DAB1: variants seen among roughly 807,000 people sequenced by gnomAD.
DAB1 encodes disabled homolog 1.
In DAB1, 15 loss-of-function variants were observed where a neutral mutation model predicts 64.6. The observed-to-expected ratio is 0.23, with a 90% CI of 0.16 to 0.36. The LOEUF is 0.36. DAB1 is among the 10% of genes least tolerant of loss of function. The probability of loss-of-function intolerance (pLI) is 1.00; values close to 1 mark genes in which losing one functional copy is unlikely to be tolerated. For synonymous variants in DAB1, 235 were observed against 251.9 expected (o/e 0.93, Z 0.64); for missense variants, 596 against 706.7 (o/e 0.84, Z 1.78).
intron 1 of DAB1, among the ~76,000 whole-genome samples, chr1:57,299,602 G>T (rs1267756782): frequency 3.3e-5 from 5 of 152,094 alleles, no homozygotes; most frequent in African/African-American, 4.8e-5. Context: ...AACTCCTAGG[G>T]TATGAGAAAA....
At chr1:57,379,324 A>G (rs987227034) in intron 1 of DAB1, among the ~76,000 whole-genome samples, 2 of 152,216 alleles carry the variant, frequency 1.3e-5, no homozygotes, top group Non-Finnish European at 2.9e-5. Context: ...AGAGTTTAAT[A>G]AACTTAGTTC....
chr1:57,913,007 G>A (rs2102011202), intron 5 of DAB1, among the ~76,000 whole-genome samples: 1 of 152,312 alleles, frequency 6.6e-6, no homozygotes, highest in South Asian at 2.1e-4. Context: ...TCGTGAAAAT[G>A]GCCATACTGT....
chr1:57,660,955 G>A (rs926056180), intron 6 of DAB1, among the ~76,000 whole-genome samples: 2 of 152,100 alleles, frequency 1.3e-5, no homozygotes, highest in African/African-American at 4.8e-5. Context: ...TCTCAAAGCG[G>A]GCTTCCTGGG....
intron 3 of DAB1, among the ~76,000 whole-genome samples, chr1:58,460,221 T>A (rs546382886): frequency 6.6e-6 from 1 of 152,234 alleles, no homozygotes; most frequent in East Asian, 1.9e-4. Context: ...GAGCTCTGGG[T>A]CAGACCCAGA....
intron 6 of DAB1, among the ~76,000 whole-genome samples, chr1:57,680,060 G>T (rs1646618247): frequency 6.6e-6 from 1 of 152,160 alleles, no homozygotes; most frequent in Admixed American, 6.5e-5. Flanking sequence ...ATAGCAATGT[G>T]GTAAATGTAA....
rs1646779093 is a variant in DAB1, at chr1:57,026,123, G to A, written c.724-80C>T. 8.0e-6 allele frequency: 8 copies of A among 1,002,350 alleles called. 1 individual carries two copies. The Admixed American group carries it at 1.8e-4, about 22-fold the overall frequency. 62.1% of individuals were successfully genotyped at this position (1,002,350 alleles called of 1,614,324 possible). A position where few individuals can be genotyped will look rare whatever the true frequency, so the allele number is the denominator to read the frequency against. On this transcript the variant is annotated intron_variant, in intron 9 of 14. Transcript: ENST00000371236. ...CCCTGCTTTACACACAGTATGGTAT[G>A]GGGATACACATTTCTGTTTTTCATC...
At chr1:58,004,306 G>A (rs1646548919) in intron 5 of DAB1, among the ~76,000 whole-genome samples, 2 of 152,156 alleles carry the variant, frequency 1.3e-5, no homozygotes, top group South Asian at 2.1e-4. Flanking sequence ...CTGAGGTCAC[G>A]CAGCTAGTTG....
At chr1:58,221,474 C>T (rs1341499771) in intron 4 of DAB1, among the ~76,000 whole-genome samples, 1 of 152,196 alleles carries the variant, frequency 6.6e-6, no homozygotes, top group Non-Finnish European at 1.5e-5. Context: ...TGCAAGCAAA[C>T]CATGTCAGAT....
At chr1:58,423,039 A>G (rs143968819) in intron 3 of DAB1, among the ~76,000 whole-genome samples, 222 of 152,284 alleles carry the variant, frequency 1.5e-3, no homozygotes, top group African/African-American at 5.0e-3. Context: ...ATGGCCGTTG[A>G]GTTCCAATCC....
chr1:57,786,629 T>C (rs1344546229), intron 6 of DAB1, among the ~76,000 whole-genome samples: 3 of 152,178 alleles, frequency 2.0e-5, no homozygotes, highest in Non-Finnish European at 2.9e-5. Context: ...ATGAGGTAAG[T>C]ACATTATTAT....
chr1:58,392,447 A>T (rs182774272), intron 3 of DAB1, among the ~76,000 whole-genome samples: 1 of 152,022 alleles, frequency 6.6e-6, no homozygotes, highest in East Asian at 1.9e-4. Flanking sequence ...CTGATTCTAC[A>T]CTCTAGACAC....
chr1:58,280,865 T>C (rs994853320), intron 4 of DAB1, among the ~76,000 whole-genome samples: 1 of 152,172 alleles, frequency 6.6e-6, no homozygotes, highest in Non-Finnish European at 1.5e-5. Context: ...CCAAGAAAGA[T>C]ATCTGACAAT....
Position 58,533,304 on chromosome 1 carries a change from C to T in DAB1, n.33-5969G>A, listed in dbSNP as rs777931824. On this transcript the variant is annotated intron_variant and non_coding_transcript_variant, in intron 1 of 20. Coordinates refer to the DAB1 transcript ENST00000485760. The stretch of plus-strand genomic sequence containing the variant: ...ACTGGACTAACATACAGAAGACCCA[C>T]GTTAAAGTCCCAGTTCGGTTACTTT... Among the ~76,000 whole-genome samples the T allele has an allele frequency of 3.2e-4, 49 of 152,174 alleles. 1 individual carries two copies. Among genetic ancestry groups the T allele is most frequent in the Non-Finnish European group, 6.3e-4 (43 of 68,020 alleles).
intron 7 of DAB1, among the ~76,000 whole-genome samples, chr1:57,623,242 G>C (rs898841426): frequency 6.6e-6 from 1 of 152,082 alleles, no homozygotes; most frequent in Admixed American, 6.6e-5. Context: ...ATCTTCCCAC[G>C]GAAGGAGTGG....
At chr1:58,013,097 C>T (rs973193969) in intron 5 of DAB1, among the ~76,000 whole-genome samples, 1 of 152,138 alleles carries the variant, frequency 6.6e-6, no homozygotes, top group Admixed American at 6.5e-5. Flanking sequence ...CAGTGGAACA[C>T]CCCTGACTCT....
At chr1:58,190,848 A>G (rs1205985472) in intron 4 of DAB1, among the ~76,000 whole-genome samples, 1 of 152,262 alleles carries the variant, frequency 6.6e-6, no homozygotes, top group Admixed American at 6.5e-5. Flanking sequence ...CAAGTTGACT[A>G]TTCCAAGGCG....
chr1:57,346,830 C>A (rs1438374131), intron 1 of DAB1, among the ~76,000 whole-genome samples: 1 of 152,154 alleles, frequency 6.6e-6, no homozygotes, highest in East Asian at 1.9e-4. Context: ...TCTCATTACT[C>A]CATACTATCT....
At chr1:57,519,645 A>G (rs1264690400) in intron 7 of DAB1, among the ~76,000 whole-genome samples, 1 of 152,190 alleles carries the variant, frequency 6.6e-6, no homozygotes, top group Non-Finnish European at 1.5e-5. Flanking sequence ...TCACAAAAGA[A>G]TAGATTCCTG....
chr1:57,450,485 A>T (rs1686310135), intron 7 of DAB1, among the ~76,000 whole-genome samples: 1 of 152,230 alleles, frequency 6.6e-6, no homozygotes, highest in Non-Finnish European at 1.5e-5. Flanking sequence ...GAATATGTCA[A>T]CTAGCCTCTT....
Sources: gnomAD v4.1 joint callset for allele counts (sites outside exome capture counted in the v4.1 genomes callset) on GRCh38, gnomAD v4.1.1 for gene constraint, MANE v1.5 for transcripts, NCBI Gene and HGNC (gene_info 2026-07-23, HGNC 2026-07-21) for gene names.